Variants in ZNF385D observed in about 807,000 individuals in gnomAD.
ZNF385D encodes zinc finger protein 659.
A neutral mutation model predicts 35.8 loss-of-function variants in ZNF385D; 15 were observed. The ratio of observed to expected loss-of-function variants is 0.42; its 90% CI spans 0.28 to 0.64. ZNF385D has a LOEUF of 0.64. Among genes scored for constraint, ZNF385D ranks in the 30% least tolerant of loss-of-function variants. ZNF385D has a pLI of 0.23. For synonymous variants in ZNF385D, 212 were observed against 186.8 expected, an observed-to-expected ratio of 1.13 and a Z score of -1.10; for missense variants, 474 against 494.6, an observed-to-expected ratio of 0.96 and a Z score of 0.39.
rs1700527377 is a variant in ZNF385D at position 21,413,932 on chromosome 3, G to A, written c.*7282C>T. 6.6e-6 allele frequency: 1 copy of A among 152,044 alleles called. No homozygotes were observed. The highest frequency in any genetic ancestry group is 1.5e-5 in the Non-Finnish European group (1 of 67,970). The allele number at this position is 152,044 out of a possible 1,614,324, so 9.4% of individuals were successfully genotyped here. On this transcript the variant is annotated 3_prime_UTR_variant, in exon 8 of 8. Coordinates refer to ENST00000281523, the MANE Select transcript of ZNF385D (RefSeq NM_024697.3). ...TCAATTTATTCGACAGTGTCTGTTT[G>A]TAGTTTTATTGTGAAGAACAGCCAT...
chr3:22,132,587 T>C (rs889064848), intron 3 of ZNF385D, among the ~76,000 whole-genome samples: 1 of 152,130 alleles, frequency 6.6e-6, no homozygotes, highest in African/African-American at 2.4e-5. Context: ...CTCAATATAC[T>C]ATAAGACCAA....
intron 3 of ZNF385D, among the ~76,000 whole-genome samples, chr3:21,556,068 G>GTTTTTTTTTTTTTTTTTT (rs148079775): frequency 4.6e-4 from 46 of 98,996 alleles, no homozygotes; most frequent in Non-Finnish European, 6.4e-4. Flanking sequence ...TTTTGTTTTT[G>GTTTTTTTTTTTTTTTTTT]TTTTTTTTTT....
intron 3 of ZNF385D, among the ~76,000 whole-genome samples, chr3:22,093,872 G>A (rs143342882): frequency 5.9e-5 from 9 of 151,956 alleles, no homozygotes; most frequent in Non-Finnish European, 1.0e-4. Context: ...TACAGTAAAC[G>A]TTAAGCTCGC....
At chr3:22,204,991 A>AG (rs1176817753) in intron 2 of ZNF385D, among the ~76,000 whole-genome samples, 2 of 151,638 alleles carry the variant, frequency 1.3e-5, no homozygotes, top group Admixed American at 1.3e-4. Flanking sequence ...AAAAAAAAAA[A>AG]AAAAAAAATC....
chr3:21,742,315 G>T (rs2069554437), intron 1 of ZNF385D, among the ~76,000 whole-genome samples: 1 of 152,200 alleles, frequency 6.6e-6, no homozygotes, highest in Non-Finnish European at 1.5e-5. Flanking sequence ...AAAAGCTCTT[G>T]AACCATACTT....
At chr3:22,347,593 G>A (rs1371966690) in intron 2 of ZNF385D, among the ~76,000 whole-genome samples, 1 of 152,102 alleles carries the variant, frequency 6.6e-6, no homozygotes, top group African/African-American at 2.4e-5. Context: ...TGAGTTAGAA[G>A]CTAAATAAAA....
chr3:21,446,294 G>C (rs553765806), intron 4 of ZNF385D, among the ~76,000 whole-genome samples: 1 of 152,102 alleles, frequency 6.6e-6, no homozygotes, highest in African/African-American at 2.4e-5. Context: ...TGCAAGAAGA[G>C]GGAAATGAGA....
chr3:21,488,517 T>C (rs1370720324), intron 4 of ZNF385D, among the ~76,000 whole-genome samples: 2 of 152,116 alleles, frequency 1.3e-5, no homozygotes, highest in African/African-American at 2.4e-5. Flanking sequence ...ATTTAGCTTT[T>C]CTAGTGGCCA....
chr3:22,155,110 T>C (rs564868001), intron 3 of ZNF385D, among the ~76,000 whole-genome samples: 1 of 152,272 alleles, frequency 6.6e-6, no homozygotes, highest in South Asian at 2.1e-4. Context: ...ACTTCTTAAT[T>C]GCCCTGATTT....
chr3:22,206,426 T>C (rs1697158245), intron 2 of ZNF385D, among the ~76,000 whole-genome samples: 1 of 151,984 alleles, frequency 6.6e-6, no homozygotes, highest in African/African-American at 2.4e-5. Flanking sequence ...ACAGACCAAA[T>C]GGACCTAATA....
chr3:21,478,913 G>A (rs543342855), intron 4 of ZNF385D, among the ~76,000 whole-genome samples: 6 of 151,918 alleles, frequency 3.9e-5, no homozygotes, highest in African/African-American at 1.2e-4. Context: ...AATCACAGGA[G>A]GTTTTAAAAT....
chr3:22,009,954 A>G (rs1353747951), intron 3 of ZNF385D, among the ~76,000 whole-genome samples: 1 of 152,232 alleles, frequency 6.6e-6, no homozygotes, highest in South Asian at 2.1e-4. Context: ...GAAAAAAATG[A>G]TAAGAATAGA....
intron 3 of ZNF385D, among the ~76,000 whole-genome samples, chr3:21,996,277 G>C (rs1402402563): frequency 6.6e-6 from 1 of 152,150 alleles, no homozygotes; most frequent in Non-Finnish European, 1.5e-5. Context: ...GGAGTCAATG[G>C]TGGGAATGTG....
chr3:22,330,970 T>C lies in ZNF385D; in HGVS notation c.106+41480A>G, dbSNP rs541219150. On this transcript the variant is annotated intron_variant, in intron 2 of 5. Coordinates refer to the ZNF385D transcript ENST00000494108. ...CTGGGGTATGGCTATGTCCACCTTA[T>C]TGTGCTGCTACACATGAATTTTAAC... 2.6e-4 allele frequency among the ~76,000 whole-genome samples: 39 copies of C among 152,318 alleles called. 1 individual carries two copies. In the South Asian group the frequency reaches 7.9e-3, roughly 31 times the overall value.
intron 3 of ZNF385D, among the ~76,000 whole-genome samples, chr3:22,035,799 C>A (rs891201797): frequency 6.6e-6 from 1 of 152,088 alleles, no homozygotes; most frequent in Non-Finnish European, 1.5e-5. Flanking sequence ...TATGACCACT[C>A]TGCAGAAAAA....
intron 2 of ZNF385D, among the ~76,000 whole-genome samples, chr3:22,364,439 G>A (rs114740729): frequency 5.9e-5 from 9 of 151,904 alleles, no homozygotes; most frequent in African/African-American, 2.2e-4. Flanking sequence ...ATGGGCAAAG[G>A]ACTTGACTAA....
chr3:21,463,669 T>C (rs770808232), intron 4 of ZNF385D, among the ~76,000 whole-genome samples: 4 of 152,010 alleles, frequency 2.6e-5, no homozygotes, highest in Admixed American at 6.5e-5. Flanking sequence ...TGCCTACAGA[T>C]ATGAAAAGAT....
At chr3:22,178,198 C>T (rs1313526440) in intron 2 of ZNF385D, among the ~76,000 whole-genome samples, 1 of 152,182 alleles carries the variant, frequency 6.6e-6, no homozygotes, top group Non-Finnish European at 1.5e-5. Flanking sequence ...TACAGTCCCA[C>T]CAACAGTGTA....
chr3:21,442,871 G>A (rs776113262), intron 4 of ZNF385D, among the ~76,000 whole-genome samples: 2 of 110,660 alleles, frequency 1.8e-5, no homozygotes, highest in Non-Finnish European at 3.6e-5. Context: ...GGCTATATGT[G>A]TATATCTGTG....
Sources: gnomAD v4.1 joint callset for allele counts (sites outside exome capture counted in the v4.1 genomes callset) on GRCh38, gnomAD v4.1.1 for gene constraint, MANE v1.5 for transcripts, NCBI Gene and HGNC (gene_info 2026-07-23, HGNC 2026-07-21) for gene names.